Variants in LRRC75A observed in about 807,000 individuals in gnomAD.
LRRC75A encodes the protein leucine-rich repeat-containing protein 75A.
A neutral mutation model predicts 26.0 loss-of-function variants in LRRC75A; 12 were observed. The observed-to-expected ratio is 0.46, with a 90% CI of 0.30 to 0.75. LRRC75A has a LOEUF of 0.75. Ranked by LOEUF, LRRC75A falls within the 30% of genes least tolerant of loss-of-function variation. The pLI is 0.08. For missense variants in LRRC75A, 410 were observed against 486.6 expected (o/e 0.84, Z 1.48); for synonymous variants, 223 against 219.3 (o/e 1.02, Z -0.15).
At chr17:16,446,172 G>A (rs1415043978) in intron 3 of LRRC75A, among the ~76,000 whole-genome samples, 2 of 152,154 alleles carry the variant, frequency 1.3e-5, no homozygotes, top group Non-Finnish European at 2.9e-5. Context: ...GCCTCCCAAA[G>A]TGCTGGGATT....
At chr17:16,452,027 C>T (rs542477902) in intron 2 of LRRC75A, among the ~76,000 whole-genome samples, 11 of 151,896 alleles carry the variant, frequency 7.2e-5, no homozygotes, top group East Asian at 5.8e-4. Context: ...TTAGCCACCG[C>T]GCCCGGCCTG....
At chr17:16,480,629 C>CAAAAAAAAAAA (rs749950024) in intron 1 of LRRC75A, among the ~76,000 whole-genome samples, 1 of 81,426 alleles carries the variant, frequency 1.2e-5, no homozygotes, top group African/African-American at 4.6e-5. Context: ...GACTTCGTCT[C>CAAAAAAAAAAA]AAAAAAAAAA....
At chr17:16,476,775 A>AG (rs2093820871) in intron 1 of LRRC75A, among the ~76,000 whole-genome samples, 2 of 112,560 alleles carry the variant, frequency 1.8e-5, no homozygotes, top group Admixed American at 2.3e-4. Flanking sequence ...GTCTTGCTCT[A>AG]TCACCCAGGC....
Position 16,442,402 on chromosome 17 carries a change from GTGAT to G in LRRC75A, c.*1182_*1185del, listed in dbSNP as rs2093538051. The G allele has an allele frequency of 6.6e-6, 1 of 152,324 alleles. No homozygotes were observed. The highest frequency in any genetic ancestry group is 1.5e-5 in the Non-Finnish European group (1 of 68,102). The allele number at this position is 152,324 out of a possible 1,614,324, so 9.4% of individuals were successfully genotyped here. On this transcript the variant is annotated 3_prime_UTR_variant, in exon 4 of 4. Transcript: ENST00000470794. ...TACTGTTTGCCCACAAGGTTCAAGA[GTGAT>G]TGGCTCCCAGTCTTCCTGGACTGAA...
intron 1 of LRRC75A, chr17:16,463,972 G>C (rs898584007): frequency 6.6e-6 from 1 of 152,274 alleles, no homozygotes; most frequent in Non-Finnish European, 1.5e-5. Context: ...AGCAAAAAAA[G>C]AGTCTTTGCT....
At chr17:16,445,246 A>C (rs2093573920) in intron 3 of LRRC75A, among the ~76,000 whole-genome samples, 1 of 133,718 alleles carries the variant, frequency 7.5e-6, no homozygotes, top group Non-Finnish European at 1.6e-5. Context: ...GCTCACTGCA[A>C]TCTCCACCTC....
chr17:16,485,247 C>T (rs1370596005), intron 1 of LRRC75A, among the ~76,000 whole-genome samples: 1 of 152,174 alleles, frequency 6.6e-6, no homozygotes, highest in African/African-American at 2.4e-5. Flanking sequence ...TGAAAGTTTG[C>T]GTCCCCTCCT....
chr17:16,458,377 G>A (rs2093701620), intron 2 of LRRC75A, among the ~76,000 whole-genome samples: 1 of 152,190 alleles, frequency 6.6e-6, no homozygotes, highest in Admixed American at 6.5e-5. Context: ...CCTGTTGTGG[G>A]ATAAGCCAGC....
rs142963416 is a variant in LRRC75A at position 16,466,573 on chromosome 17, G to A, written c.247-4187C>T. On this transcript the variant is annotated intron_variant, in intron 1 of 3. Coordinates refer to ENST00000470794, the MANE Select transcript of LRRC75A (RefSeq NM_001113567.3). ...CCTGTGGACAGTTCCTCATCAGGAT[G>A]TCTGGGAACACCAGCAGGTGCACCT... is the stretch of plus-strand genomic sequence containing the variant. Among the ~76,000 whole-genome samples, 522 of 152,326 alleles carry A rather than the reference G, an allele frequency of 3.4e-3. 2 individuals carry two copies. The highest frequency in any genetic ancestry group is 8.4e-3 in the Admixed American group (129 of 15,300).
chr17:16,466,769 C>G (rs2093772714), intron 1 of LRRC75A, among the ~76,000 whole-genome samples: 1 of 152,132 alleles, frequency 6.6e-6, no homozygotes, highest in South Asian at 2.1e-4. Flanking sequence ...GGACTCGCTG[C>G]AATGGGAAGA....
At chr17:16,446,855 G>A (rs2093590129) in intron 3 of LRRC75A, 1 of 272,836 alleles carries the variant, frequency 3.7e-6, no homozygotes, top group South Asian at 2.7e-5. Context: ...AGCCCCTCCC[G>A]TAGCCAGCAC....
At chr17:16,472,033 T>C (rs980475759) in intron 1 of LRRC75A, among the ~76,000 whole-genome samples, 3 of 152,208 alleles carry the variant, frequency 2.0e-5, no homozygotes, top group Non-Finnish European at 4.4e-5. Context: ...GCCACTGAAC[T>C]GTGCACCTAA....
At chr17:16,444,544 C>G (rs1019911066) in intron 3 of LRRC75A, among the ~76,000 whole-genome samples, 1 of 152,128 alleles carries the variant, frequency 6.6e-6, no homozygotes, top group Non-Finnish European at 1.5e-5. Flanking sequence ...GCTCAGCCCC[C>G]ATGAATGGCA....
At chr17:16,464,967 G>T (rs1263202716) in intron 1 of LRRC75A, among the ~76,000 whole-genome samples, 2 of 152,238 alleles carry the variant, frequency 1.3e-5, no homozygotes, top group African/African-American at 4.8e-5. Context: ...CCTGCCTACA[G>T]CTTGAGGCTC....
At chr17:16,476,978 T>C (rs1601195360) in intron 1 of LRRC75A, among the ~76,000 whole-genome samples, 1 of 151,522 alleles carries the variant, frequency 6.6e-6, no homozygotes, top group African/African-American at 2.4e-5. Context: ...GACCTTGTGA[T>C]CCGCCCGCCT....
intron 2 of LRRC75A, among the ~76,000 whole-genome samples, chr17:16,454,595 G>A (rs1328770127): frequency 1.3e-5 from 2 of 151,926 alleles, no homozygotes; most frequent in Non-Finnish European, 2.9e-5. Context: ...GAAGGCTGAG[G>A]CAGGAGAATC....
chr17:16,462,117 T>G lies in LRRC75A; in HGVS notation c.375+141A>C. 9.2e-7 allele frequency: 1 copy of G among 1,091,862 alleles called. No individual in the cohort carries two copies. The highest frequency in any genetic ancestry group is 1.3e-6 in the Non-Finnish European group (1 of 773,824). The allele number at this position is 1,091,862 out of a possible 1,614,324, so 67.6% of individuals were successfully genotyped here. A position where few individuals can be genotyped will look rare whatever the true frequency, so the allele number is the denominator to read the frequency against. Reference sequence around the variant, plus strand: ...GCTAGTGGCACCAAGGGAGAGCACCTCAAGCTCTTGGTGCCTGGAGGACGG... The same window carrying G: ...GCTAGTGGCACCAAGGGAGAGCACCGCAAGCTCTTGGTGCCTGGAGGACGG... On this transcript the variant is annotated intron_variant, in intron 2 of 3. Transcript: ENST00000470794. The surrounding 1 kb of genome is among the most constrained non-coding windows in gnomAD (Gnocchi z 4.6).
chr17:16,470,877 T>A (rs960364971), intron 1 of LRRC75A, among the ~76,000 whole-genome samples: 2 of 151,970 alleles, frequency 1.3e-5, no homozygotes, highest in African/African-American at 4.8e-5. Context: ...TTGGCAGAGC[T>A]GCACTCCCTC....
rs138023889 is a variant in LRRC75A at position 16,465,169 on chromosome 17, A to G, written c.247-2783T>C. On this transcript the variant is annotated intron_variant, in intron 1 of 3. Transcript: ENST00000470794. ...GGTTGGCAACTTAATGCCAGCCTCT[A>G]TGCCTCCTCTGCTTTGCCCCTGGGC... Among the ~76,000 whole-genome samples the G allele has an allele frequency of 9.7e-4, 148 of 152,266 alleles. 3 individuals are homozygous for G. The highest frequency in any genetic ancestry group is 3.4e-3 in the African/African-American group (140 of 41,544).
Sources: gnomAD v4.1 joint callset for allele counts (sites outside exome capture counted in the v4.1 genomes callset) on GRCh38, gnomAD v4.1.1 for gene constraint, Gnocchi (gnomAD v3.1) non-coding constraint, MANE v1.5 for transcripts, NCBI Gene and HGNC (gene_info 2026-07-23, HGNC 2026-07-21) for gene names.